Variants in GUCY1A2 observed in about 807,000 individuals in gnomAD.
GUCY1A2 encodes guanylate cyclase soluble subunit alpha-2.
A neutral mutation model predicts 63.5 loss-of-function variants in GUCY1A2; 27 were observed. The observed-to-expected ratio is 0.43, with a 90% CI of 0.31 to 0.59. The LOEUF (loss-of-function observed/expected upper bound fraction) is 0.59. GUCY1A2 is among the 20% of genes least tolerant of loss of function. The pLI is 0.11. For missense variants in GUCY1A2, 768 were observed against 913.3 expected (o/e 0.84, Z 2.05); for synonymous variants, 364 against 343.5 (o/e 1.06, Z -0.66).
intron 4 of GUCY1A2, among the ~76,000 whole-genome samples, chr11:106,913,067 TAC>T (rs1860317016): frequency 6.6e-6 from 1 of 152,168 alleles, no homozygotes; most frequent in Non-Finnish European, 1.5e-5. Context: ...CAGCATTCTA[TAC>T]ACAGTTACAA....
At chr11:106,997,990 G>T (rs929615838) in intron 1 of GUCY1A2, among the ~76,000 whole-genome samples, 3 of 152,100 alleles carry the variant, frequency 2.0e-5, no homozygotes, top group African/African-American at 4.8e-5. Context: ...AAAATAAAGT[G>T]ATGTCACTAA....
chr11:106,775,038 T>G (rs1399201696), intron 6 of GUCY1A2, among the ~76,000 whole-genome samples: 1 of 152,160 alleles, frequency 6.6e-6, no homozygotes, highest in Non-Finnish European at 1.5e-5. Flanking sequence ...ATCTATAATT[T>G]CCCCCGGTTC....
intron 1 of GUCY1A2, among the ~76,000 whole-genome samples, chr11:106,989,366 A>T (rs1378665094): frequency 6.6e-6 from 1 of 152,064 alleles, no homozygotes; most frequent in Non-Finnish European, 1.5e-5. Flanking sequence ...TTTTTTAGTT[A>T]AATGATCTTT....
chr11:106,866,335 C>A (rs1859593149), intron 4 of GUCY1A2, among the ~76,000 whole-genome samples: 1 of 151,982 alleles, frequency 6.6e-6, no homozygotes, highest in African/African-American at 2.4e-5. Context: ...TGGTGCTTCT[C>A]CTGTTAGACT....
At chr11:106,760,076 T>C (rs570039504) in intron 6 of GUCY1A2, among the ~76,000 whole-genome samples, 1 of 152,284 alleles carries the variant, frequency 6.6e-6, no homozygotes, top group Non-Finnish European at 1.5e-5. Flanking sequence ...CCTTCCCTAG[T>C]GTCTTCAAAT....
intron 4 of GUCY1A2, among the ~76,000 whole-genome samples, chr11:106,823,692 C>G (rs7930222): frequency 0.11 from 16,913 of 152,108 alleles, 1,374 homozygotes; most frequent in African/African-American, 0.23. Context: ...TTCCCACCAA[C>G]AGTGTGTTCC....
intron 3 of GUCY1A2, 63 bp downstream of exon 3, chr11:106,978,555 TC>T: frequency 8.8e-7 from 1 of 1,134,820 alleles, no homozygotes; most frequent in South Asian, 1.5e-5. Flanking sequence ...ATGAAACACT[TC>T]CACCTCGACT....
intron 4 of GUCY1A2, among the ~76,000 whole-genome samples, chr11:106,913,580 G>T (rs73553852): frequency 0.02 from 3,098 of 152,110 alleles, 95 homozygotes; most frequent in African/African-American, 0.07. Context: ...CTGCCACACT[G>T]GGGATTAAAT....
At chr11:106,957,163 G>A (rs1386825491) in intron 3 of GUCY1A2, among the ~76,000 whole-genome samples, 1 of 152,170 alleles carries the variant, frequency 6.6e-6, no homozygotes, top group African/African-American at 2.4e-5. Flanking sequence ...GTACAGCCTG[G>A]AGCTATAGAA....
chr11:106,847,360 T>G (rs1859290345), intron 4 of GUCY1A2, among the ~76,000 whole-genome samples: 2 of 151,224 alleles, frequency 1.3e-5, no homozygotes, highest in Admixed American at 1.3e-4. Flanking sequence ...AAAATGAAGA[T>G]GATAATAATA....
chr11:106,828,274 C>A (rs936274288), intron 4 of GUCY1A2, among the ~76,000 whole-genome samples: 3 of 144,142 alleles, frequency 2.1e-5, no homozygotes, highest in African/African-American at 7.8e-5. Context: ...TTTGACTAGG[C>A]CCATGTTCAG....
At chr11:106,927,195 A>C (rs1261324241) in intron 4 of GUCY1A2, among the ~76,000 whole-genome samples, 3 of 151,624 alleles carry the variant, frequency 2.0e-5, no homozygotes, top group Non-Finnish European at 2.9e-5. Context: ...AACACGGTGA[A>C]ACCCTGTCTC....
At chr11:106,747,802 C>G (rs1863815718) in intron 6 of GUCY1A2, among the ~76,000 whole-genome samples, 1 of 152,142 alleles carries the variant, frequency 6.6e-6, no homozygotes. Flanking sequence ...CCAGGAGGAG[C>G]TGTGTACACA....
At chr11:106,761,458 C>A (rs1356282880) in intron 6 of GUCY1A2, among the ~76,000 whole-genome samples, 1 of 152,126 alleles carries the variant, frequency 6.6e-6, no homozygotes, top group African/African-American at 2.4e-5. Flanking sequence ...AACGTTTTTT[C>A]AGACACCAGC....
chr11:106,802,315 G>T (rs1038590311), intron 5 of GUCY1A2, among the ~76,000 whole-genome samples: 5 of 152,142 alleles, frequency 3.3e-5, no homozygotes, highest in East Asian at 1.9e-4. Flanking sequence ...TGAGCAGTTT[G>T]AGCTTACAGC....
Position 106,847,453 on chromosome 11 carries a change from C to T in GUCY1A2, c.1207-36975G>A, listed in dbSNP as rs188058236. On this transcript the variant is annotated intron_variant, in intron 4 of 7. Transcript: ENST00000526355. The stretch of plus-strand genomic sequence containing the variant: ...CCCAAAGGAAATAATCAATACTAAT[C>T]ATTGCTATTATTATTATTACTGTTT... Among the ~76,000 whole-genome samples, 98 of 151,352 alleles carry T rather than the reference C, an allele frequency of 6.5e-4. 1 individual carries two copies. The highest frequency in any genetic ancestry group is 2.4e-3 in the African/African-American group (98 of 41,422).
chr11:106,774,530 A>T, intron 6 of GUCY1A2, among the ~76,000 whole-genome samples: 1 of 151,858 alleles, frequency 6.6e-6, no homozygotes, highest in East Asian at 1.9e-4. Context: ...CTTTTGCAGA[A>T]TTCTTTGGAA....
chr11:106,776,411 A>AAACT (rs2135402378), intron 6 of GUCY1A2, 28 bp downstream of exon 6: 2 of 1,568,600 alleles, frequency 1.3e-6, no homozygotes, highest in Non-Finnish European at 1.8e-6. Context: ...TGCACTTACT[A>AAACT]CTCAAACTAG....
chr11:106,796,285 TG>T (rs1267213556), intron 5 of GUCY1A2, among the ~76,000 whole-genome samples: 15 of 152,200 alleles, frequency 9.9e-5, no homozygotes, highest in African/African-American at 3.6e-4. Context: ...TGTCTTTTAT[TG>T]GAGCATTTAG....
Sources: allele counts gnomAD v4.1 joint callset (sites outside exome capture counted in the v4.1 genomes callset), GRCh38; gene constraint gnomAD v4.1.1; transcripts MANE v1.5; gene names NCBI Gene and HGNC (gene_info 2026-07-23, HGNC 2026-07-21).